The following FRMD4A variants were observed in gnomAD, a reference collection of about 807,000 sequenced individuals.
The protein encoded by FRMD4A is FERM domain containing 4A, also known as FERM domain-containing protein 4A.
Under a neutral mutation model 129.1 loss-of-function variants are expected in FRMD4A, and 29 were observed. That is an observed-to-expected ratio of 0.22 (90% CI 0.17 to 0.31). The LOEUF is 0.31. FRMD4A is among the 10% of genes least tolerant of loss of function. FRMD4A has a pLI of 1.00. For synonymous variants in FRMD4A, 634 were observed against 571.6 expected (o/e 1.11, Z -1.56); for missense variants, 1,272 against 1,375.8 (o/e 0.92, Z 1.19).
intron 2 of FRMD4A, among the ~76,000 whole-genome samples, chr10:14,301,800 C>G (rs745569196): frequency 2.6e-5 from 4 of 152,106 alleles, no homozygotes; most frequent in Non-Finnish European, 5.9e-5. Flanking sequence ...AAATTTGACA[C>G]TGCAATTCAA....
At chr10:14,166,514 GTA>G (rs1841184273) in intron 2 of FRMD4A, among the ~76,000 whole-genome samples, 2 of 152,168 alleles carry the variant, frequency 1.3e-5, no homozygotes, top group Admixed American at 1.3e-4. Flanking sequence ...TTCAACAAAA[GTA>G]AAGTCACTGA....
intron 2 of FRMD4A, among the ~76,000 whole-genome samples, chr10:14,118,016 G>C (rs1838291451): frequency 6.6e-6 from 1 of 152,172 alleles, no homozygotes; most frequent in Non-Finnish European, 1.5e-5. Flanking sequence ...GTGTGGCCCT[G>C]TTTAGAGGAT....
At chr10:13,961,024 T>C (rs1204169806) in intron 2 of FRMD4A, among the ~76,000 whole-genome samples, 1 of 152,238 alleles carries the variant, frequency 6.6e-6, no homozygotes, top group East Asian at 1.9e-4. Flanking sequence ...AGTTATCCAC[T>C]GCAGAAGCTA....
At chr10:13,832,958 C>A (rs2093813746) in intron 3 of FRMD4A, among the ~76,000 whole-genome samples, 1 of 152,208 alleles carries the variant, frequency 6.6e-6, no homozygotes, top group South Asian at 2.1e-4. Context: ...TGGAAAGAAT[C>A]ACTGTGTTGT....
At chr10:14,201,822 C>T (rs1331649671) in intron 2 of FRMD4A, among the ~76,000 whole-genome samples, 1 of 152,156 alleles carries the variant, frequency 6.6e-6, no homozygotes, top group Admixed American at 6.6e-5. Flanking sequence ...TAAAGGAAGA[C>T]CTTCGTGTCT....
At chr10:13,654,234 C>T in intron 23 of FRMD4A, 182 bp downstream of exon 23, 3 of 620,926 alleles carry the variant, frequency 4.8e-6, no homozygotes, top group Middle Eastern at 2.9e-4. Context: ...TATAAAGGCA[C>T]AGCCAGGAAA....
chr10:14,187,974 T>A (rs948274098), intron 2 of FRMD4A, among the ~76,000 whole-genome samples: 1 of 152,146 alleles, frequency 6.6e-6, no homozygotes, highest in African/African-American at 2.4e-5. Flanking sequence ...AATTTTCCCA[T>A]CTCTAGTGTC....
At chr10:14,101,371 T>C (rs1181360132) in intron 2 of FRMD4A, among the ~76,000 whole-genome samples, 5 of 152,194 alleles carry the variant, frequency 3.3e-5, no homozygotes, top group Admixed American at 6.5e-5. Context: ...AATAATTACT[T>C]GCTGCGGGGT....
intron 3 of FRMD4A, among the ~76,000 whole-genome samples, chr10:13,849,192 G>A (rs1364373934): frequency 6.6e-6 from 1 of 152,166 alleles, no homozygotes; most frequent in Non-Finnish European, 1.5e-5. Context: ...GGCCTGGGAG[G>A]TCCCGGACAG....
chr10:14,244,382 C>G (rs551960988), intron 2 of FRMD4A, among the ~76,000 whole-genome samples: 1 of 152,176 alleles, frequency 6.6e-6, no homozygotes, highest in Non-Finnish European at 1.5e-5. Context: ...GCAGAAGCAA[C>G]AAGTGTCAGT....
intron 2 of FRMD4A, among the ~76,000 whole-genome samples, chr10:14,257,161 C>A (rs1589234864): frequency 6.6e-6 from 1 of 151,968 alleles, no homozygotes; most frequent in African/African-American, 2.4e-5. Context: ...TGAAACCCCA[C>A]CTCTACTAAA....
chr10:14,120,243 CT>C (rs200596396), intron 2 of FRMD4A, among the ~76,000 whole-genome samples: 10 of 149,612 alleles, frequency 6.7e-5, no homozygotes, highest in Middle Eastern at 3.2e-3. Flanking sequence ...ACGTACACTG[CT>C]TTTTTTTTTC....
intron 2 of FRMD4A, among the ~76,000 whole-genome samples, chr10:13,881,779 C>T (rs1465329393): frequency 1.3e-5 from 2 of 151,844 alleles, no homozygotes; most frequent in African/African-American, 2.4e-5. Flanking sequence ...CGAACTGCGA[C>T]TGCCTTCCAG....
At chr10:13,965,854 C>G (rs1358195585) in intron 2 of FRMD4A, among the ~76,000 whole-genome samples, 1 of 152,090 alleles carries the variant, frequency 6.6e-6, no homozygotes, top group Non-Finnish European at 1.5e-5. Flanking sequence ...AGATCAAAGA[C>G]CAGGCAACCA....
intron 2 of FRMD4A, among the ~76,000 whole-genome samples, chr10:13,944,917 G>C (rs2131318906): frequency 6.6e-6 from 1 of 152,334 alleles, no homozygotes; most frequent in Non-Finnish European, 1.5e-5. Flanking sequence ...GAACCCTGTG[G>C]TGTGGCCCTC....
At chr10:14,321,613 C>T (rs1333355850) in intron 2 of FRMD4A, among the ~76,000 whole-genome samples, 1 of 152,110 alleles carries the variant, frequency 6.6e-6, no homozygotes, top group Non-Finnish European at 1.5e-5. Flanking sequence ...AGAGCCTTAT[C>T]CTGTGTAAAA....
At chr10:13,944,260 G>T (rs1474699368) in intron 2 of FRMD4A, among the ~76,000 whole-genome samples, 1 of 151,820 alleles carries the variant, frequency 6.6e-6, no homozygotes, top group Non-Finnish European at 1.5e-5. Flanking sequence ...CATCAGATTA[G>T]CAGTGGCATT....
At chr10:13,985,903 G>T (rs1292377743) in intron 2 of FRMD4A, among the ~76,000 whole-genome samples, 2 of 152,230 alleles carry the variant, frequency 1.3e-5, no homozygotes, top group East Asian at 3.9e-4. Context: ...CTGCAGCTGG[G>T]AGGGATGAGA....
chr10:13,654,935 T>C (rs1328740551), intron 22 of FRMD4A: 1 of 179,496 alleles, frequency 5.6e-6, no homozygotes, highest in African/African-American at 2.4e-5. Context: ...CAGGGCATTT[T>C]CAGTGTGGCC....
Sources: gnomAD v4.1 joint callset for allele counts (sites outside exome capture counted in the v4.1 genomes callset) on GRCh38, gnomAD v4.1.1 for gene constraint, MANE v1.5 for transcripts, NCBI Gene and HGNC (gene_info 2026-07-23, HGNC 2026-07-21) for gene names.